Variants in GRTP1 observed in about 807,000 individuals in gnomAD.
The protein encoded by GRTP1 is growth hormone regulated TBC protein 1.
Under a neutral mutation model 38.1 loss-of-function variants are expected in GRTP1, and 56 were observed. The ratio of observed to expected loss-of-function variants is 1.47; its 90% CI spans 1.19 to 1.84. The LOEUF (loss-of-function observed/expected upper bound fraction) is 1.84, where lower values mean the gene tolerates loss of function less well. GRTP1 is among the 40% of genes most tolerant of loss of function. GRTP1 has a pLI of 0.00. For synonymous variants in GRTP1, 217 were observed against 189.5 expected, an observed-to-expected ratio of 1.14 and a Z score of -1.19; for missense variants, 506 against 453.9, an observed-to-expected ratio of 1.11 and a Z score of -1.04.
In GRTP1 at chr13:113,336,379, C is replaced by T. The variant is rs540573105; in HGVS notation, c.562+8484G>A. ...AACAAACATGCAAAGGGTTCCTCAC[C>T]CTCTAGGTGTAAGATTCAGTCCCAA... On this transcript the variant is annotated intron_variant, in intron 5 of 7. Coordinates refer to ENST00000375431, the MANE Select transcript of GRTP1 (RefSeq NM_024719.4). 5.3e-4 allele frequency among the ~76,000 whole-genome samples: 55 copies of T among 102,996 alleles called. 2 individuals carry two copies. The South Asian group carries it at 0.016, about 31-fold the overall frequency. The allele number at this position is 102,996 out of a possible 152,430, so 67.6% of individuals were successfully genotyped here.
In GRTP1 at chr13:113,333,874, T is replaced by TGTGTGTGTGTGTGC. The variant is rs33972835; in HGVS notation, c.563-7784_563-7783insGCACACACACACAC. ...GTGTGTGTGTGTGTGTGTGTGTGTG[T>TGTGTGTGTGTGTGC]CCGAGGCTGGAGTGCAGTAGCGCGA... On this transcript the variant is annotated intron_variant, in intron 5 of 7. Transcript: ENST00000375431. Among the ~76,000 whole-genome samples the TGTGTGTGTGTGTGC allele has an allele frequency of 4.0e-3, 536 of 135,330 alleles. 8 individuals are homozygous for TGTGTGTGTGTGTGC. The highest frequency in any genetic ancestry group is 8.2e-3 in the East Asian group (36 of 4,408). The allele number at this position is 135,330 out of a possible 152,430, so 88.8% of individuals were successfully genotyped here. A position where few individuals can be genotyped will look rare whatever the true frequency, so the allele number is the denominator to read the frequency against.
At chr13:113,341,547 G>A (rs1398884001) in intron 5 of GRTP1, among the ~76,000 whole-genome samples, 1 of 152,044 alleles carries the variant, frequency 6.6e-6, no homozygotes, top group Non-Finnish European at 1.5e-5. Context: ...GATTACAGGC[G>A]TGAGCCACCG....
Position 113,364,073 on chromosome 13 carries a change from G to A in GRTP1, c.-22C>T. On this transcript the variant is annotated 5_prime_UTR_variant, in exon 1 of 8. Coordinates refer to ENST00000375431, the MANE Select transcript of GRTP1 (RefSeq NM_024719.4). ...GCATGCGGGGAGGGAGGCGCGCACC[G>A]AGCGAGGCCAGCGGGTCCCAAGTTC... 8 of 1,254,636 alleles carry A rather than the reference G, an allele frequency of 6.4e-6. No homozygotes were observed. The highest frequency in any genetic ancestry group is 3.6e-5 in the South Asian group (1 of 27,544). The allele number at this position is 1,254,636 out of a possible 1,614,324, so 77.7% of individuals were successfully genotyped here.
intron 3 of GRTP1, among the ~76,000 whole-genome samples, chr13:113,354,578 G>C (rs1362461439): frequency 6.6e-6 from 1 of 151,000 alleles, no homozygotes; most frequent in Non-Finnish European, 1.5e-5. Flanking sequence ...GCCCAGGCTG[G>C]AGTGCGGTGG....
In GRTP1 at chr13:113,325,993, G is replaced by A. The variant is rs147117267; in HGVS notation, c.661C>T (p.Arg221Cys). The A allele has an allele frequency of 4.2e-5, 68 of 1,613,646 alleles. No individual in the cohort carries two copies. The highest frequency in any genetic ancestry group is 5.3e-5 in the African/African-American group (4 of 74,898). ...AGCAGCGTCCACAGCACACCGAGAC[G>A]CTCCATCAGGGCCCCCACAGCCGGC... The part of the protein sequence containing the change: ...KLPAVGALME[R>C]LGVLWTLLVS... Residue 221 changes from arginine to cysteine, a missense_variant, in exon 6 of 8, where the codon CGT becomes TGT. Transcript: ENST00000375431.
At chr13:113,325,893 C>T in intron 6 of GRTP1, 26 bp downstream of exon 6, 1 of 1,613,884 alleles carries the variant, frequency 6.2e-7, no homozygotes, top group Non-Finnish European at 8.5e-7. Flanking sequence ...GGCCCGCCCG[C>T]CCCAGGGCCC....
At chr13:113,326,167 C>A (rs947453915) in intron 5 of GRTP1, 76 bp from the exon 6 acceptor site, 10 of 1,557,734 alleles carry the variant, frequency 6.4e-6, no homozygotes, top group Non-Finnish European at 8.7e-6. Context: ...CAGAGCCAGA[C>A]AAAGACAACA....
At chr13:113,355,599 C>T (rs933966327) in intron 2 of GRTP1, 118 bp from the exon 3 acceptor site, 1 of 1,230,352 alleles carries the variant, frequency 8.1e-7, no homozygotes, top group Non-Finnish European at 1.1e-6. Flanking sequence ...ATTAAAGAGA[C>T]CCAGAACTTC....
chr13:113,333,043 C>T (rs1256204075), intron 5 of GRTP1, among the ~76,000 whole-genome samples: 1 of 152,210 alleles, frequency 6.6e-6, no homozygotes, highest in Non-Finnish European at 1.5e-5. Context: ...AGCATTTATC[C>T]CGCCTCTTCT....
At chr13:113,339,162 C>T (rs2042994921) in intron 5 of GRTP1, among the ~76,000 whole-genome samples, 1 of 152,186 alleles carries the variant, frequency 6.6e-6, no homozygotes, top group South Asian at 2.1e-4. Context: ...GATCCACCCA[C>T]CTCAGCCTCC....
At chr13:113,355,926 G>T (rs1243685779) in intron 2 of GRTP1, among the ~76,000 whole-genome samples, 1 of 152,194 alleles carries the variant, frequency 6.6e-6, no homozygotes, top group Non-Finnish European at 1.5e-5. Flanking sequence ...AGACGTCACT[G>T]TCCAACTCGT....
At chr13:113,338,477 G>A (rs747395199) in intron 5 of GRTP1, among the ~76,000 whole-genome samples, 2 of 152,194 alleles carry the variant, frequency 1.3e-5, no homozygotes, top group Non-Finnish European at 2.9e-5. Flanking sequence ...CAGTGGTGGG[G>A]GAAACCGGGG....
At chr13:113,362,657 A>AC (rs1415582317) in intron 2 of GRTP1, among the ~76,000 whole-genome samples, 1 of 151,652 alleles carries the variant, frequency 6.6e-6, no homozygotes, top group African/African-American at 2.4e-5. Flanking sequence ...TGATCTTGTC[A>AC]CCCCCTGCCT....
At chr13:113,332,835 A>G (rs937917524) in intron 5 of GRTP1, among the ~76,000 whole-genome samples, 1 of 152,192 alleles carries the variant, frequency 6.6e-6, no homozygotes, top group African/African-American at 2.4e-5. Flanking sequence ...TCACATCCAC[A>G]GGACTCAGGG....
intron 2 of GRTP1, among the ~76,000 whole-genome samples, chr13:113,357,441 C>CAAAAAAAAA (rs368660991): frequency 3.1e-5 from 3 of 97,668 alleles, no homozygotes; most frequent in East Asian, 3.2e-4. Context: ...GACACTGCCT[C>CAAAAAAAAA]AAAAAAAAAA....
In GRTP1 at chr13:113,344,937, T is replaced by G; in HGVS notation, c.488A>C (p.Tyr163Ser). Residue 163 changes from tyrosine (Y) to serine (S), a missense_variant, in exon 5 of 8, where the codon TAT becomes TCT. By Grantham distance (144) the Tyr-to-Ser change is moderately radical. Coordinates refer to ENST00000375431, the MANE Select transcript of GRTP1 (RefSeq NM_024719.4). ...TTCATTATTTGTTATAAGAATCAGA[T>G]ATCCTGCTATAAAATTCATTCCCTG... ...YCQGMNFIAGYLILITNNEEE... is the reference protein window; with the variant it reads ...YCQGMNFIAGSLILITNNEEE... 1 of 1,597,622 alleles carries G rather than the reference T, an allele frequency of 6.3e-7. No individual in the cohort carries two copies. Among genetic ancestry groups the G allele is most frequent in the Non-Finnish European group, 8.5e-7 (1 of 1,174,154 alleles).
chr13:113,325,480 A>G, intron 7 of GRTP1, 181 bp downstream of exon 7: 5 of 1,462,106 alleles, frequency 3.4e-6, no homozygotes, highest in Non-Finnish European at 4.5e-6. Context: ...CGCCATAGAC[A>G]GGAAAGCCCT....
intron 5 of GRTP1, among the ~76,000 whole-genome samples, chr13:113,335,560 T>C (rs912830835): frequency 2.0e-5 from 3 of 152,214 alleles, no homozygotes; most frequent in Admixed American, 6.5e-5. Context: ...TCTGACCTAC[T>C]AACACACGGT....
Position 113,363,901 on chromosome 13 carries a change from C to T in GRTP1, c.42G>A (p.Pro14=). The change falls in exon 2 of 8, where the codon CCG becomes CCA. Residue 14 remains proline, a synonymous_variant. Transcript: ENST00000375431. ...AERSRVPRID[P]YGFERPEDFD... is the part of the protein sequence containing the mutation. ...AGTCCTCAGGCCGCTCGAATCCGTA[C>T]GGGTCGATCCTGCAAAACCGAGAGA... The T allele has an allele frequency of 1.2e-6, 2 of 1,611,058 alleles. No homozygotes were observed. The highest frequency in any genetic ancestry group is 1.1e-5 in the South Asian group (1 of 90,998).
Sources: allele counts gnomAD v4.1 joint callset (sites outside exome capture counted in the v4.1 genomes callset), GRCh38; gene constraint gnomAD v4.1.1; transcripts MANE v1.5; gene names NCBI Gene and HGNC (gene_info 2026-07-23, HGNC 2026-07-21).